PEX5L: variants seen among roughly 807,000 people sequenced by gnomAD.
PEX5L encodes peroxisomal biogenesis factor 5 like.
Under a neutral mutation model 84.0 loss-of-function variants are expected in PEX5L, and 30 were observed. That is an observed-to-expected ratio of 0.36 (90% CI 0.27 to 0.48). PEX5L has a LOEUF of 0.48. Ranked by LOEUF, PEX5L falls within the 20% of genes least tolerant of loss-of-function variation. The pLI, the probability that PEX5L is intolerant of heterozygous loss-of-function variation, is 0.99. For missense variants in PEX5L, 533 were observed against 754.6 expected, an observed-to-expected ratio of 0.71 and a Z score of 3.44; for synonymous variants, 270 against 283.1, an observed-to-expected ratio of 0.95 and a Z score of 0.46.
chr3:179,815,566 C>T (rs1725743907), intron 10 of PEX5L, among the ~76,000 whole-genome samples: 1 of 152,114 alleles, frequency 6.6e-6, no homozygotes. Context: ...GCCTGGTTGA[C>T]AGAGCAAGAC....
At chr3:179,863,285 A>G (rs1199347569) in intron 7 of PEX5L, among the ~76,000 whole-genome samples, 1 of 151,256 alleles carries the variant, frequency 6.6e-6, no homozygotes, top group Non-Finnish European at 1.5e-5. Context: ...TGGGCAAAGA[A>G]TTTTAAAAAT....
At chr3:179,880,993 C>T (rs1474159912) in intron 4 of PEX5L, 1 of 152,302 alleles carries the variant, frequency 6.6e-6, no homozygotes, top group Non-Finnish European at 1.5e-5. Context: ...GTTTCACTGG[C>T]CCTGGCACTG....
At chr3:179,819,833 A>C in intron 9 of PEX5L, 27 bp downstream of exon 9, 1 of 1,602,474 alleles carries the variant, frequency 6.2e-7, no homozygotes, top group South Asian at 1.1e-5. Context: ...AAAAGTAGTC[A>C]GCATGTATAG....
rs775568529 is a variant in PEX5L at position 179,819,872 on chromosome 3, C to A, written c.927G>T (p.Ser309=). 3 of 1,613,886 alleles carry A rather than the reference C, an allele frequency of 1.9e-6. No individual in the cohort carries two copies. In the South Asian group the frequency reaches 3.3e-5, roughly 18 times the overall value. The stretch of plus-strand genomic sequence containing the variant: ...CAGAATTGGTTACCTTCTCACTAGC[C>A]GAGATGGTTACTTGGTTCTGGGCTT... ...NQEAQNQVTI[S]ASEKGYYFHT... The change falls in exon 9 of 15, where the codon TCG becomes TCT. Residue 309 remains serine (S), a synonymous_variant. Transcript: ENST00000467460.
rs570198205 is a variant in PEX5L, at chr3:180,014,764, A to T, written c.21+21815T>A. Among the ~76,000 whole-genome samples the T allele has an allele frequency of 5.9e-5, 9 of 152,158 alleles. No individual in the cohort carries two copies. In the East Asian group the frequency reaches 9.6e-4, roughly 16 times the overall value. The stretch of plus-strand genomic sequence containing the variant: ...AATAAGGCAAGTCTCTTTCCACTAA[A>T]TTTTTTCTTTTTTTCTAGCAGAGGA... On this transcript the variant is annotated intron_variant, in intron 1 of 14. Transcript: ENST00000467460.
intron 1 of PEX5L, among the ~76,000 whole-genome samples, chr3:180,025,100 G>A (rs1790828907): frequency 4.6e-5 from 7 of 152,108 alleles, no homozygotes; most frequent in Admixed American, 4.6e-4. Flanking sequence ...TAATTACAGT[G>A]GCAATCTAAT....
At chr3:179,904,048 G>T (rs1021152794) in intron 2 of PEX5L, among the ~76,000 whole-genome samples, 5 of 152,168 alleles carry the variant, frequency 3.3e-5, no homozygotes, top group Admixed American at 2.0e-4. Flanking sequence ...TCAGTGATCT[G>T]TTTGCAGCTG....
Position 179,811,875 on chromosome 3 carries a change from C to T in PEX5L, c.1084-4G>A, listed in dbSNP as rs1473363187. 1.2e-6 allele frequency: 2 copies of T among 1,610,168 alleles called. No individual in the cohort carries two copies. Among genetic ancestry groups the T allele is most frequent in the Non-Finnish European group, 1.7e-6 (2 of 1,176,370 alleles). On this transcript the variant is annotated splice_polypyrimidine_tract_variant and splice_region_variant and intron_variant, in intron 10 of 14. Coordinates refer to ENST00000467460, the MANE Select transcript of PEX5L (RefSeq NM_016559.3). The stretch of plus-strand genomic sequence containing the variant: ...TTATCCCGAGGAACTGCCATGCCTA[C>T]GAAAGACAACTGATGTTAACATTGC...
At chr3:179,867,465 C>CTTCT (rs1748744028) in intron 7 of PEX5L, among the ~76,000 whole-genome samples, 1 of 152,070 alleles carries the variant, frequency 6.6e-6, no homozygotes, top group African/African-American at 2.4e-5. Flanking sequence ...GCCTGCCTGC[C>CTTCT]TTCTTTCTTT....
chr3:179,993,918 C>G (rs1469262011), intron 1 of PEX5L, among the ~76,000 whole-genome samples: 2 of 152,284 alleles, frequency 1.3e-5, no homozygotes, highest in East Asian at 3.9e-4. Context: ...CACACACTTT[C>G]TTTTTCAAAT....
chr3:179,874,393 C>A lies in PEX5L; in HGVS notation c.660G>T (p.Leu220=). The A allele has an allele frequency of 6.2e-7, 1 of 1,611,932 alleles. No individual in the cohort carries two copies. Among genetic ancestry groups the A allele is most frequent in the South Asian group, 1.1e-5 (1 of 90,970 alleles). Residue 220 remains leucine, a synonymous_variant, in exon 7 of 15, where the codon CTG becomes CTT. Coordinates refer to ENST00000467460, the MANE Select transcript of PEX5L (RefSeq NM_016559.3). ...AGTTGAGGGCGCTTTTTCCACCACT[C>A]AGTTCTGGTTGAGATCTGTGTTCTG... The part of the protein sequence containing the change: ...WSSEHRSQPE[L]SGGKSALNSE...
chr3:179,986,557 C>G (rs897239512), intron 1 of PEX5L, among the ~76,000 whole-genome samples: 1 of 152,042 alleles, frequency 6.6e-6, no homozygotes, highest in African/African-American at 2.4e-5. Context: ...CGCCCGCCAC[C>G]ACGCCCGGCT....
intron 2 of PEX5L, among the ~76,000 whole-genome samples, chr3:179,930,222 T>A (rs967135481): frequency 3.3e-5 from 5 of 151,962 alleles, no homozygotes; most frequent in African/African-American, 1.2e-4. Context: ...CATAAAACTG[T>A]TTCTCTTTTG....
At chr3:179,925,920 G>A (rs1463895792) in intron 2 of PEX5L, among the ~76,000 whole-genome samples, 2 of 151,790 alleles carry the variant, frequency 1.3e-5, no homozygotes, top group Non-Finnish European at 2.9e-5. Flanking sequence ...ATTGAAAATT[G>A]TTTTCTCTCT....
intron 8 of PEX5L, among the ~76,000 whole-genome samples, chr3:179,821,381 G>A (rs1373878585): frequency 6.6e-6 from 1 of 152,182 alleles, no homozygotes; most frequent in Non-Finnish European, 1.5e-5. Context: ...CTGACTTGAG[G>A]TTAACCTTCA....
chr3:180,029,068 A>AT (rs1374401036), intron 1 of PEX5L, among the ~76,000 whole-genome samples: 40 of 152,366 alleles, frequency 2.6e-4, no homozygotes, highest in African/African-American at 9.4e-4. Context: ...TTGGAGGGCC[A>AT]TATTTTCGTG....
At chr3:179,811,292 A>AAAG (rs1723735041) in intron 11 of PEX5L, among the ~76,000 whole-genome samples, 2 of 151,958 alleles carry the variant, frequency 1.3e-5, no homozygotes, top group African/African-American at 4.8e-5. Context: ...ATAGCACTAT[A>AAAG]TTAAAGGCAC....
intron 1 of PEX5L, among the ~76,000 whole-genome samples, chr3:180,000,008 C>T (rs1300753225): frequency 2.0e-5 from 3 of 152,146 alleles, no homozygotes; most frequent in Non-Finnish European, 4.4e-5. Context: ...GTTTTTCCCA[C>T]AGCCAGGAGT....
At chr3:179,887,644 TGAG>T (rs1756320012) in intron 4 of PEX5L, 26 bp downstream of exon 4, 1 of 1,344,472 alleles carries the variant, frequency 7.4e-7, no homozygotes, top group Non-Finnish European at 1.1e-6. Flanking sequence ...TAACTCTAGT[TGAG>T]GAACAGTTAA....
Sources: gnomAD v4.1 joint callset for allele counts (sites outside exome capture counted in the v4.1 genomes callset) on GRCh38, gnomAD v4.1.1 for gene constraint, MANE v1.5 for transcripts, NCBI Gene and HGNC (gene_info 2026-07-23, HGNC 2026-07-21) for gene names.